PSD3: variants seen among roughly 807,000 people sequenced by gnomAD.
PSD3 encodes PH and SEC7 domain-containing protein 3.
Under a neutral mutation model 105.5 loss-of-function variants are expected in PSD3, and 49 were observed. That is an observed-to-expected ratio of 0.46 (90% confidence interval 0.37 to 0.59). PSD3 has a LOEUF of 0.59. PSD3 is among the 20% of genes least tolerant of loss of function. PSD3 has a pLI of 0.00. For synonymous variants in PSD3, 557 were observed against 457.8 expected, an observed-to-expected ratio of 1.22 and a Z score of -2.77; for missense variants, 1,561 against 1,263.8, an observed-to-expected ratio of 1.24 and a Z score of -3.57.
In PSD3 at chr8:18,533,976, C is replaced by T. The variant is rs1180687478; in HGVS notation, c.*1767G>A. 1 of 151,876 alleles carries T rather than the reference C, an allele frequency of 6.6e-6. No homozygotes were observed. The highest frequency in any genetic ancestry group is 2.4e-5 in the African/African-American group (1 of 41,350). The allele number at this position is 151,876 out of a possible 1,614,324, so 9.4% of individuals were successfully genotyped here. A position where few individuals can be genotyped will look rare whatever the true frequency, so the allele number is the denominator to read the frequency against. ...CTTATTACAAAGAAAGCAACTGCAA[C>T]CCTAGAGAGGGGTAAGCCTTCTCTG... is the stretch of plus-strand genomic sequence containing the variant. On this transcript the variant is annotated 3_prime_UTR_variant, in exon 16 of 16. Coordinates refer to ENST00000327040, the MANE Select transcript of PSD3 (RefSeq NM_015310.4).
intron 9 of PSD3, among the ~76,000 whole-genome samples, chr8:18,762,291 G>A (rs546860942): frequency 9.9e-5 from 15 of 152,080 alleles, no homozygotes; most frequent in East Asian, 3.9e-4. Flanking sequence ...CTCCTGCTCC[G>A]GCCACTTAAG....
Position 18,872,215 on chromosome 8 carries a change from G to T in PSD3, c.649C>A (p.Leu217Ile). 1 of 1,614,216 alleles carries T rather than the reference G, an allele frequency of 6.2e-7. No individual in the cohort carries two copies. The highest frequency in any genetic ancestry group is 8.5e-7 in the Non-Finnish European group (1 of 1,180,044). ...GTGTCTCCAGTTAACAGCGCGGTGA[G>T]ATCTTTCTGGATGCTCAAATAAAAA... ...ESFYLSIQKD[L>I]TALLTGDTQA... is the part of the protein sequence containing the mutation. The change falls in exon 3 of 16, where the codon CTC becomes ATC. Residue 217 changes from leucine to isoleucine, a missense_variant. Physicochemically the swap from Leu to Ile is conservative, Grantham distance 5. Transcript: ENST00000327040.
intron 10 of PSD3, among the ~76,000 whole-genome samples, chr8:18,644,467 C>G (rs1476649084): frequency 2.0e-5 from 3 of 152,202 alleles, no homozygotes; most frequent in Non-Finnish European, 4.4e-5. Flanking sequence ...GACTTTATTA[C>G]AAGGACAGTC....
At chr8:18,991,015 C>G (rs1586589276) in intron 1 of PSD3, among the ~76,000 whole-genome samples, 1 of 152,136 alleles carries the variant, frequency 6.6e-6, no homozygotes, top group Non-Finnish European at 1.5e-5. Flanking sequence ...GCTGATACTT[C>G]AGCCCCAGGA....
intron 9 of PSD3, among the ~76,000 whole-genome samples, chr8:18,752,248 A>G (rs1805552374): frequency 6.6e-6 from 1 of 151,146 alleles, no homozygotes; most frequent in African/African-American, 2.4e-5. Flanking sequence ...TTGTACATGC[A>G]GAATCACTGA....
chr8:18,684,632 T>C (rs1395946618), intron 9 of PSD3, among the ~76,000 whole-genome samples: 1 of 152,226 alleles, frequency 6.6e-6, no homozygotes, highest in African/African-American at 2.4e-5. Context: ...TAAATGTTTC[T>C]TATGACCTTA....
intron 8 of PSD3, among the ~76,000 whole-genome samples, chr8:18,795,986 T>C (rs1030955624): frequency 2.6e-5 from 4 of 152,180 alleles, no homozygotes; most frequent in Admixed American, 1.3e-4. Context: ...ATAAGTATTT[T>C]GTAGATAAAG....
chr8:18,686,574 C>T (rs906322838), intron 9 of PSD3, among the ~76,000 whole-genome samples: 42 of 152,160 alleles, frequency 2.8e-4, no homozygotes, highest in African/African-American at 1.9e-4. Flanking sequence ...ATGATCCCTG[C>T]GACATATCTG....
chr8:18,666,257 G>T (rs974661199), intron 9 of PSD3, among the ~76,000 whole-genome samples: 1 of 152,174 alleles, frequency 6.6e-6, no homozygotes, highest in Non-Finnish European at 1.5e-5. Flanking sequence ...CGCCATGTTG[G>T]CCAGGCTGGT....
chr8:18,582,191 C>T (rs1298570872), intron 12 of PSD3, among the ~76,000 whole-genome samples: 1 of 152,132 alleles, frequency 6.6e-6, no homozygotes, highest in East Asian at 1.9e-4. Flanking sequence ...TCTGGGTGAG[C>T]TTCTCGAGAG....
At chr8:19,065,083 G>A (rs541584734) in intron 1 of PSD3, among the ~76,000 whole-genome samples, 180 of 152,226 alleles carry the variant, frequency 1.2e-3, no homozygotes, top group Non-Finnish European at 2.2e-3. Flanking sequence ...TACCTGAGCC[G>A]GCATAAGGAA....
chr8:18,841,103 A>G (rs1814583219), intron 4 of PSD3, among the ~76,000 whole-genome samples: 1 of 152,206 alleles, frequency 6.6e-6, no homozygotes, highest in South Asian at 2.1e-4. Flanking sequence ...GTTGGGTAAA[A>G]ATCAAGTTTA....
At chr8:18,746,896 T>C (rs190014722) in intron 9 of PSD3, among the ~76,000 whole-genome samples, 13 of 152,328 alleles carry the variant, frequency 8.5e-5, no homozygotes, top group African/African-American at 3.1e-4. Context: ...ATGTAGCAAA[T>C]GAATAGAAGG....
At chr8:18,636,423 T>G (rs1218942858) in intron 10 of PSD3, among the ~76,000 whole-genome samples, 1 of 152,202 alleles carries the variant, frequency 6.6e-6, no homozygotes, top group African/African-American at 2.4e-5. Flanking sequence ...ATAACGAGTT[T>G]ATGAAGTAAA....
chr8:18,566,818 C>G (rs1007417554), intron 14 of PSD3, among the ~76,000 whole-genome samples: 1 of 151,976 alleles, frequency 6.6e-6, no homozygotes, highest in African/African-American at 2.4e-5. Flanking sequence ...GGATTTATGT[C>G]CAAAATGAAG....
At chr8:18,797,492 C>T (rs904111810) in intron 8 of PSD3, among the ~76,000 whole-genome samples, 14 of 152,278 alleles carry the variant, frequency 9.2e-5, no homozygotes, top group African/African-American at 2.9e-4. Context: ...TAAAGAAGAG[C>T]AAATGTCCTA....
intron 1 of PSD3, among the ~76,000 whole-genome samples, chr8:19,049,958 A>T (rs575230096): frequency 6.6e-6 from 1 of 152,282 alleles, no homozygotes; most frequent in Non-Finnish European, 1.5e-5. Flanking sequence ...GAGCAATTAA[A>T]ATTCCTAGTT....
chr8:19,073,957 AT>A, intron 1 of PSD3, among the ~76,000 whole-genome samples: 1 of 151,758 alleles, frequency 6.6e-6, no homozygotes, highest in South Asian at 2.1e-4. Flanking sequence ...CGCCTGGCTA[AT>A]TTTTTGTATT....
At chr8:18,629,727 C>G (rs1276366513) in intron 11 of PSD3, among the ~76,000 whole-genome samples, 1 of 151,780 alleles carries the variant, frequency 6.6e-6, no homozygotes, top group Non-Finnish European at 1.5e-5. Flanking sequence ...GCAATTACTG[C>G]CAAAAGTACA....
Sources: allele counts gnomAD v4.1 joint callset (sites outside exome capture counted in the v4.1 genomes callset), GRCh38; gene constraint gnomAD v4.1.1; transcripts MANE v1.5; gene names NCBI Gene and HGNC (gene_info 2026-07-23, HGNC 2026-07-21).